The following MSRA variants were observed in gnomAD, a reference collection of about 807,000 sequenced individuals.
MSRA encodes the protein methionine sulfoxide reductase A.
A neutral mutation model predicts 31.3 loss-of-function variants in MSRA; 54 were observed. The observed-to-expected ratio is 1.73, with a 90% CI of 1.39 to 2.17. The LOEUF (loss-of-function observed/expected upper bound fraction) is 2.17, where lower values mean the gene tolerates loss of function less well. MSRA is among the 30% of genes most tolerant of loss of function. The pLI is 0.00. For missense variants in MSRA, 507 were observed against 300.9 expected, an observed-to-expected ratio of 1.69 and a Z score of -5.07; for synonymous variants, 169 against 116.5, an observed-to-expected ratio of 1.45 and a Z score of -2.90.
intron 3 of MSRA, among the ~76,000 whole-genome samples, chr8:10,265,983 C>T (rs35287467): frequency 6.6e-6 from 1 of 152,110 alleles, no homozygotes; most frequent in African/African-American, 2.4e-5. Flanking sequence ...GATGAAGCAT[C>T]CTTTTCCCTG....
At chr8:10,381,693 C>G (rs1198900174) in intron 5 of MSRA, among the ~76,000 whole-genome samples, 1 of 152,226 alleles carries the variant, frequency 6.6e-6, no homozygotes, top group African/African-American at 2.4e-5. Context: ...CTTTTCCCTA[C>G]TGCCCCATAA....
intron 1 of MSRA, among the ~76,000 whole-genome samples, chr8:10,068,156 T>G (rs947038074): frequency 6.6e-6 from 1 of 152,170 alleles, no homozygotes; most frequent in Non-Finnish European, 1.5e-5. Flanking sequence ...AGTGCTGAGA[T>G]TACAGGTGTG....
intron 1 of MSRA, among the ~76,000 whole-genome samples, chr8:10,086,637 T>A (rs1012857572): frequency 6.6e-6 from 1 of 152,200 alleles, no homozygotes; most frequent in African/African-American, 2.4e-5. Context: ...GCAAAGTGTT[T>A]CTTATTGTGG....
At chr8:10,171,030 A>G (rs1805542449) in intron 1 of MSRA, among the ~76,000 whole-genome samples, 1 of 152,164 alleles carries the variant, frequency 6.6e-6, no homozygotes, top group Non-Finnish European at 1.5e-5. Context: ...TCAGTTTTTC[A>G]CCATGAAGAA....
chr8:10,061,738 C>A (rs1050298872), intron 1 of MSRA, among the ~76,000 whole-genome samples: 3 of 152,194 alleles, frequency 2.0e-5, no homozygotes, highest in Admixed American at 6.5e-5. Flanking sequence ...AGAGCTGCCC[C>A]ATTGTCCATG....
chr8:10,249,913 C>T (rs1170279155), intron 3 of MSRA, among the ~76,000 whole-genome samples: 1 of 152,120 alleles, frequency 6.6e-6, no homozygotes, highest in Non-Finnish European at 1.5e-5. Flanking sequence ...TGTATATAGG[C>T]CTTACTTGAA....
At chr8:10,423,445 GCACC>G (rs1406659217) in intron 5 of MSRA, among the ~76,000 whole-genome samples, 1 of 144,406 alleles carries the variant, frequency 6.9e-6, no homozygotes, top group Non-Finnish European at 1.5e-5. Flanking sequence ...AGACTGGCAT[GCACC>G]CATGCCGGCA....
chr8:10,170,469 C>G (rs981263539), intron 1 of MSRA, among the ~76,000 whole-genome samples: 1 of 152,118 alleles, frequency 6.6e-6, no homozygotes, highest in African/African-American at 2.4e-5. Context: ...TTTGGACTTC[C>G]CAGCCTCCAG....
chr8:10,138,558 A>G (rs776929090), intron 1 of MSRA, among the ~76,000 whole-genome samples: 28 of 152,216 alleles, frequency 1.8e-4, no homozygotes, highest in Admixed American at 5.9e-4. Flanking sequence ...TTTCAGTGAC[A>G]TTCTTTTATT....
rs550238833 is a variant in MSRA at position 10,152,601 on chromosome 8, T to G, written c.143-55232T>G. Among the ~76,000 whole-genome samples the G allele has an allele frequency of 3.3e-5, 5 of 152,364 alleles. No individual in the cohort carries two copies. The East Asian group carries it at 9.6e-4, about 29-fold the overall frequency. On this transcript the variant is annotated intron_variant, in intron 1 of 5. Transcript: ENST00000317173. Reference sequence around the variant, plus strand: ...AAACAAATATTTCTCTTCATTGTTTTAGATTCTGTGGATCTCTTGCTCAGT... The same window carrying G: ...AAACAAATATTTCTCTTCATTGTTTGAGATTCTGTGGATCTCTTGCTCAGT...
chr8:10,191,128 C>A (rs914316535), intron 1 of MSRA, among the ~76,000 whole-genome samples: 1 of 152,190 alleles, frequency 6.6e-6, no homozygotes, highest in Non-Finnish European at 1.5e-5. Context: ...AATAAATCAC[C>A]TAGCTTAATA....
chr8:10,179,494 T>C (rs1806355022), intron 1 of MSRA, among the ~76,000 whole-genome samples: 1 of 152,218 alleles, frequency 6.6e-6, no homozygotes, highest in African/African-American at 2.4e-5. Flanking sequence ...GAAGGGTTTT[T>C]GTCTTGGCAA....
chr8:10,083,096 A>G (rs1362014704), intron 1 of MSRA, among the ~76,000 whole-genome samples: 10 of 143,196 alleles, frequency 7.0e-5, no homozygotes, highest in Non-Finnish European at 1.5e-4. Flanking sequence ...TTGCATACAT[A>G]GCATTTAAAT....
chr8:10,109,331 T>A (rs1800111994), intron 1 of MSRA, among the ~76,000 whole-genome samples: 1 of 149,314 alleles, frequency 6.7e-6, no homozygotes, highest in Non-Finnish European at 1.5e-5. Flanking sequence ...TTTTTACTTT[T>A]CTTTTCTTTT....
intron 5 of MSRA, among the ~76,000 whole-genome samples, chr8:10,398,936 G>A (rs376132579): frequency 1.8e-4 from 27 of 152,170 alleles, no homozygotes; most frequent in East Asian, 5.8e-4. Context: ...AGCCCCTATC[G>A]AGAGAGGCAG....
At chr8:10,167,910 A>G (rs1358182918) in intron 1 of MSRA, among the ~76,000 whole-genome samples, 1 of 152,220 alleles carries the variant, frequency 6.6e-6, no homozygotes, top group Non-Finnish European at 1.5e-5. Context: ...CCCTGATGTT[A>G]TTTAAGAAAA....
At chr8:10,251,954 G>A (rs531086076) in intron 3 of MSRA, among the ~76,000 whole-genome samples, 2 of 152,268 alleles carry the variant, frequency 1.3e-5, no homozygotes, top group Admixed American at 1.3e-4. Flanking sequence ...TTCAAACTGG[G>A]TGACCATGGA....
intron 3 of MSRA, among the ~76,000 whole-genome samples, chr8:10,254,962 G>A (rs148339531): frequency 1.3e-5 from 2 of 152,308 alleles, no homozygotes; most frequent in East Asian, 1.9e-4. Flanking sequence ...CATCTGTTCC[G>A]GTGATTTGTT....
chr8:10,123,945 G>A (rs1801310329), intron 1 of MSRA, among the ~76,000 whole-genome samples: 1 of 151,604 alleles, frequency 6.6e-6, no homozygotes, highest in Non-Finnish European at 1.5e-5. Flanking sequence ...GCTCACTGCA[G>A]CCTCAAGTGG....
Sources: allele counts gnomAD v4.1 joint callset (sites outside exome capture counted in the v4.1 genomes callset), GRCh38; gene constraint gnomAD v4.1.1; transcripts MANE v1.5; gene names NCBI Gene and HGNC (gene_info 2026-07-23, HGNC 2026-07-21).